The following KCNH1 variants were observed in gnomAD, a reference collection of about 807,000 sequenced individuals.
KCNH1 encodes potassium voltage-gated channel subfamily H member 1, also known as voltage-gated delayed rectifier potassium channel KCNH1.
In KCNH1, 27 loss-of-function variants were observed where a neutral mutation model predicts 69.2. The observed-to-expected ratio is 0.39, with a 90% confidence interval of 0.29 to 0.54. The LOEUF is 0.54. KCNH1 is among the 20% of genes least tolerant of loss of function. The pLI is 0.68. For missense variants in KCNH1, 798 were observed against 1,261.6 expected, an observed-to-expected ratio of 0.63 and a Z score of 5.57; for synonymous variants, 456 against 487.7, an observed-to-expected ratio of 0.93 and a Z score of 0.86.
At chr1:210,951,068 G>A (rs758580235) in intron 6 of KCNH1, among the ~76,000 whole-genome samples, 3 of 152,174 alleles carry the variant, frequency 2.0e-5, no homozygotes, top group Non-Finnish European at 2.9e-5. Context: ...ATTAAAAGTC[G>A]GAGAGAAGGG....
intron 9 of KCNH1, among the ~76,000 whole-genome samples, chr1:210,776,083 G>C (rs185279302): frequency 6.6e-6 from 1 of 152,152 alleles, no homozygotes; most frequent in Non-Finnish European, 1.5e-5. Context: ...AAGGGAGCAC[G>C]TGGACTCTTC....
intron 6 of KCNH1, among the ~76,000 whole-genome samples, chr1:210,979,418 A>G (rs919457476): frequency 1.4e-4 from 22 of 152,162 alleles, no homozygotes; most frequent in African/African-American, 5.1e-4. Flanking sequence ...GGATTTGCCA[A>G]CCTCACTGAG....
At chr1:210,875,377 G>C (rs532198332) in intron 7 of KCNH1, among the ~76,000 whole-genome samples, 42 of 152,248 alleles carry the variant, frequency 2.8e-4, no homozygotes, top group Non-Finnish European at 5.7e-4. Flanking sequence ...ATTAGAAAAT[G>C]AGTTAAAATT....
intron 7 of KCNH1, chr1:210,861,963 T>C (rs1330161269): frequency 6.6e-6 from 5 of 757,802 alleles, no homozygotes; most frequent in Non-Finnish European, 9.8e-6. Flanking sequence ...TAGTAAGCTG[T>C]ACCCTGATGA....
intron 6 of KCNH1, among the ~76,000 whole-genome samples, chr1:210,932,607 A>G (rs1687698103): frequency 6.6e-6 from 1 of 152,114 alleles, no homozygotes; most frequent in Non-Finnish European, 1.5e-5. Context: ...CATGCTACCT[A>G]AAAGAAACTC....
intron 10 of KCNH1, among the ~76,000 whole-genome samples, chr1:210,735,417 AGTGAGTGTGTGT>A (rs1188666577): frequency 0.019 from 2,247 of 115,998 alleles, 31 homozygotes; most frequent in African/African-American, 0.043. Context: ...TGAATGAGTG[AGTGAGTGTGTGT>A]GTGTGTGTGT....
chr1:211,119,371 A>T (rs1310436677), intron 1 of KCNH1, among the ~76,000 whole-genome samples: 10 of 152,298 alleles, frequency 6.6e-5, no homozygotes, highest in South Asian at 4.1e-4. Flanking sequence ...AAAAAGTTTT[A>T]AAAAAAGCAA....
At chr1:210,795,677 T>C (rs1052442693) in intron 9 of KCNH1, among the ~76,000 whole-genome samples, 4 of 152,306 alleles carry the variant, frequency 2.6e-5, no homozygotes, top group Admixed American at 6.5e-5. Context: ...ATACTATCTA[T>C]GTCTCTATGT....
intron 9 of KCNH1, among the ~76,000 whole-genome samples, chr1:210,788,834 CT>C (rs1180252401): frequency 6.7e-6 from 1 of 148,272 alleles, no homozygotes; most frequent in African/African-American, 2.5e-5. Context: ...GTAGCTGGGA[CT>C]ACAGGCGCCC....
intron 6 of KCNH1, among the ~76,000 whole-genome samples, chr1:211,001,609 T>C (rs935680103): frequency 6.6e-6 from 1 of 152,208 alleles, no homozygotes; most frequent in Non-Finnish European, 1.5e-5. Context: ...AGTGTGGCGA[T>C]TCCTCAGGGA....
chr1:210,999,440 TACAC>T (rs2102398478), intron 6 of KCNH1, among the ~76,000 whole-genome samples: 1 of 152,242 alleles, frequency 6.6e-6, no homozygotes, highest in Admixed American at 6.5e-5. Context: ...CCTGGACACA[TACAC>T]CCTCCCAAGA....
intron 5 of KCNH1, among the ~76,000 whole-genome samples, chr1:211,071,408 GAGA>G (rs1690640200): frequency 6.6e-6 from 1 of 152,174 alleles, no homozygotes; most frequent in Non-Finnish European, 1.5e-5. Context: ...ATTTACTAGA[GAGA>G]AGAACTGTTC....
intron 7 of KCNH1, among the ~76,000 whole-genome samples, chr1:210,818,659 T>C (rs1258869207): frequency 2.0e-5 from 3 of 152,208 alleles, no homozygotes; most frequent in African/African-American, 7.2e-5. Context: ...ATGTTATTAC[T>C]ATTCTAGATA....
At chr1:211,081,262 G>A (rs1014125867) in intron 5 of KCNH1, among the ~76,000 whole-genome samples, 14 of 152,122 alleles carry the variant, frequency 9.2e-5, no homozygotes, top group African/African-American at 1.9e-4. Flanking sequence ...TCAAAACCAC[G>A]ATGAGATACC....
At chr1:211,048,872 G>A (rs1261512315) in intron 5 of KCNH1, among the ~76,000 whole-genome samples, 1 of 152,066 alleles carries the variant, frequency 6.6e-6, no homozygotes, top group Non-Finnish European at 1.5e-5. Flanking sequence ...TGCAAATAAA[G>A]AAAAATATTA....
intron 6 of KCNH1, among the ~76,000 whole-genome samples, chr1:210,971,859 TAAAG>T (rs1688517986): frequency 6.6e-6 from 1 of 152,286 alleles, no homozygotes; most frequent in Admixed American, 6.5e-5. Flanking sequence ...ACTTCATACT[TAAAG>T]AAGCTTTTAA....
chr1:210,709,504 TTGG>T (rs1682000052), intron 10 of KCNH1, among the ~76,000 whole-genome samples: 1 of 152,144 alleles, frequency 6.6e-6, no homozygotes. Context: ...AGCTGCTCAA[TTGG>T]TGGTACTTTT....
At chr1:210,916,691 T>C (rs1412060842) in intron 7 of KCNH1, among the ~76,000 whole-genome samples, 2 of 152,112 alleles carry the variant, frequency 1.3e-5, no homozygotes, top group Non-Finnish European at 2.9e-5. Context: ...ATCTCTAACA[T>C]ATACCATTGT....
chr1:210,905,377 C>T (rs1376746417), intron 7 of KCNH1, among the ~76,000 whole-genome samples: 1 of 152,110 alleles, frequency 6.6e-6, no homozygotes, highest in Non-Finnish European at 1.5e-5. Context: ...TGTCATTATC[C>T]TGACTGCTCC....
Sources: gnomAD v4.1 joint callset for allele counts (sites outside exome capture counted in the v4.1 genomes callset) on GRCh38, gnomAD v4.1.1 for gene constraint, MANE v1.5 for transcripts, NCBI Gene and HGNC (gene_info 2026-07-23, HGNC 2026-07-21) for gene names.